Variants in TAOK2 observed in about 807,000 individuals in gnomAD.
TAOK2 encodes serine/threonine-protein kinase TAO2.
Under a neutral mutation model 122.5 loss-of-function variants are expected in TAOK2, and 42 were observed. That is an observed-to-expected ratio of 0.34 (90% CI 0.27 to 0.44). TAOK2 has a LOEUF of 0.44. Ranked by LOEUF, TAOK2 falls within the 20% of genes least tolerant of loss-of-function variation. TAOK2 has a pLI of 1.00. For synonymous variants in TAOK2, 704 were observed against 677.6 expected, an observed-to-expected ratio of 1.04 and a Z score of -0.61; for missense variants, 1,264 against 1,644.9, an observed-to-expected ratio of 0.77 and a Z score of 4.01.
At position 29,987,059 on chromosome 16, in the gene TAOK2, AC is replaced by A; in HGVS notation, c.2792del (p.Pro931LeufsTer5). The A allele has an allele frequency of 6.2e-7, 1 of 1,613,048 alleles. No individual in the cohort carries two copies. The highest frequency in any genetic ancestry group is 8.5e-7 in the Non-Finnish European group (1 of 1,179,438). On this transcript the variant is annotated frameshift_variant, in exon 16 of 16. Transcript: ENST00000308893. LOFTEE classifies it high-confidence loss of function. ...GTCCTTCCCCCGACATCCCTCCTGA[AC>A]CCCCTCCAACACACCTGAGGCCCTG... The part of the protein sequence containing the change: ...GCPSPDIPPE[P>X]PPTHLRPCPA...
Position 29,987,778 on chromosome 16 carries a change from C to T in TAOK2, c.3506C>T (p.Ala1169Val). 6.2e-7 allele frequency: 1 copy of T among 1,613,970 alleles called. No individual in the cohort carries two copies. Among genetic ancestry groups the T allele is most frequent in the Non-Finnish European group, 8.5e-7 (1 of 1,179,930 alleles). Residue 1169 changes from alanine to valine, a missense_variant, in exon 16 of 16, where the codon GCA becomes GTA. Ala to Val is a moderately conservative substitution (Grantham distance 64, BLOSUM62 0). Transcript: ENST00000308893. ...WRLARASQGL[A>V]SHLPPWAIHT... ...CTGGCACGGGCCAGCCAGGGTTTAG[C>T]ATCCCACTTGCCCCCGTGGGCCATC...
downstream of TAOK2, chr16:29,988,616 A>T: frequency 1.0e-6 from 1 of 985,284 alleles, no homozygotes; most frequent in African/African-American, 1.7e-5. Flanking sequence ...ACTTCACCGA[A>T]CTTCTTGGTC....
downstream of TAOK2, chr16:29,989,683 AC>A: frequency 6.2e-7 from 1 of 1,614,104 alleles, no homozygotes; most frequent in Non-Finnish European, 8.5e-7. Flanking sequence ...CTTGCTGGAG[AC>A]CACGCCCAAA....
chr16:29,982,024 G>A, intron 10 of TAOK2, 84 bp downstream of exon 10: 1 of 1,170,500 alleles, frequency 8.5e-7, no homozygotes. Context: ...GTGGTTCCCA[G>A]TTCCTCCTCC....
chr16:29,979,291 C>T lies in TAOK2; in HGVS notation c.546C>T (p.Phe182=), dbSNP rs764993691. 1.2e-5 allele frequency: 20 copies of T among 1,614,124 alleles called. No individual in the cohort carries two copies. Among genetic ancestry groups the T allele is most frequent in the African/African-American group, 5.3e-5 (4 of 75,030 alleles). Residue 182 remains phenylalanine (F), a synonymous_variant, in exon 7 of 16, where the codon TTC becomes TTT. Transcript: ENST00000308893. This position sits in a 1 kb window ranked among gnomAD's most constrained non-coding sequence, Gnocchi z 4.1. ...CCATCATGGCACCTGCCAACTCCTT[C>T]GTGGGCACCCCATACTGGTGAGTGA... ...SASIMAPANS[F]VGTPYWMAPE...
chr16:29,989,060 C>G (rs2069902491), downstream of TAOK2: 1 of 985,324 alleles, frequency 1.0e-6, no homozygotes, highest in African/African-American at 1.7e-5. Context: ...GCCTTCCTCC[C>G]TGAGCTGCTG....
In TAOK2 at chr16:29,979,022, G is replaced by C; in HGVS notation, c.401G>C (p.Gly134Ala). The C allele has an allele frequency of 6.2e-7, 1 of 1,614,136 alleles. No homozygotes were observed. Among genetic ancestry groups the C allele is most frequent in the Non-Finnish European group, 8.5e-7 (1 of 1,180,036 alleles). Residue 134 changes from glycine (G) to alanine (A), a missense_variant, in exon 6 of 16, where the codon GGG becomes GCG. By Grantham distance (60) the Gly-to-Ala change is moderately conservative. This residue lies in a region of TAOK2 where 254 missense variants were observed against 503.8 expected (regional missense o/e 0.50). Coordinates refer to ENST00000308893, the MANE Select transcript of TAOK2 (RefSeq NM_016151.4). This position sits in a 1 kb window ranked among gnomAD's most constrained non-coding sequence, Gnocchi z 4.1. ...GTAGAGATCGCAGCTGTGACCCACG[G>C]GGCGCTTCAGGGCCTGGCATATCTG... ...QEVEIAAVTH[G>A]ALQGLAYLHS... is the part of the protein sequence containing the mutation.
Position 29,988,131 on chromosome 16 carries a change from C to CA in TAOK2, c.*152dup. Reference sequence around the variant, plus strand: ...AGGCCCAGCCCTTCGGACCTCTAGACAGGCAGCCTCCTCAGCTGTGGAGTC... The same window carrying CA: ...AGGCCCAGCCCTTCGGACCTCTAGACAAGGCAGCCTCCTCAGCTGTGGAGTC... On this transcript the variant is annotated 3_prime_UTR_variant, in exon 16 of 16. Coordinates refer to ENST00000308893, the MANE Select transcript of TAOK2 (RefSeq NM_016151.4). 1 of 1,432,912 alleles carries CA rather than the reference C, an allele frequency of 7.0e-7. No individual in the cohort carries two copies. The highest frequency in any genetic ancestry group is 9.1e-7 in the Non-Finnish European group (1 of 1,098,462). 88.8% of individuals were successfully genotyped at this position (1,432,912 alleles called of 1,614,324 possible).
chr16:29,983,336 C>T lies in TAOK2; in HGVS notation c.1260+4C>T. The T allele has an allele frequency of 1.3e-6, 2 of 1,591,648 alleles. No individual in the cohort carries two copies. The highest frequency in any genetic ancestry group is 1.7e-6 in the Non-Finnish European group (2 of 1,173,870). On this transcript the variant is annotated splice_donor_region_variant and intron_variant, in intron 12 of 15. Coordinates refer to ENST00000308893, the MANE Select transcript of TAOK2 (RefSeq NM_016151.4). ...CTCCATTATCCACCGGCTGCCGGTACACAGCTCACCCTTGGGGGACCCGAG... is the reference window on the plus strand; with the variant it reads ...CTCCATTATCCACCGGCTGCCGGTATACAGCTCACCCTTGGGGGACCCGAG...
chr16:29,991,792 A>G (rs762777200), downstream of TAOK2: 81 of 459,316 alleles, frequency 1.8e-4, no homozygotes, highest in Middle Eastern at 5.5e-4. This position sits in a 1 kb window ranked among gnomAD's most constrained non-coding sequence, Gnocchi z 5.6. Context: ...CCTCCCTACC[A>G]TGGTGCCAGG....
intron 10 of TAOK2, 60 bp downstream of exon 10, chr16:29,982,000 C>T (rs1231401890): frequency 1.2e-5 from 17 of 1,441,122 alleles, no homozygotes; most frequent in Non-Finnish European, 1.5e-5. Context: ...CCACAAGAAC[C>T]CCCAGGGAAA....
Position 29,981,787 on chromosome 16 carries a change from C to G in TAOK2, c.749+33C>G, listed in dbSNP as rs11642046. 715,472 of 1,611,848 alleles carry G rather than the reference C, an allele frequency of 0.44. 160,443 individuals are homozygous for G. Among genetic ancestry groups the G allele is most frequent in the South Asian group, 0.5 (45,944 of 91,046 alleles). On this transcript the variant is annotated intron_variant, in intron 9 of 15. Coordinates refer to ENST00000308893, the MANE Select transcript of TAOK2 (RefSeq NM_016151.4). ...CTGAGATTCCGAATCTGGGCCCAGG[C>G]GTTAGGCCATGGGGTATGGATGCCT...
rs746856016 is a variant in TAOK2, at chr16:29,979,523, C to G, written c.655+15C>G. ...CATCGAGCTGGGTAAGAACATCCTC[C>G]CTGTTCCCTCATCATCTTTTCCATT... On this transcript the variant is annotated intron_variant, in intron 8 of 15. Coordinates refer to ENST00000308893, the MANE Select transcript of TAOK2 (RefSeq NM_016151.4). This position sits in a 1 kb window ranked among gnomAD's most constrained non-coding sequence, Gnocchi z 4.1. The G allele has an allele frequency of 3.3e-6, 5 of 1,501,158 alleles. No individual in the cohort carries two copies. The highest frequency in any genetic ancestry group is 4.5e-6 in the Non-Finnish European group (5 of 1,122,412). 93.0% of individuals were successfully genotyped at this position (1,501,158 alleles called of 1,614,324 possible). A position where few individuals can be genotyped will look rare whatever the true frequency, so the allele number is the denominator to read the frequency against.
Position 29,986,987 on chromosome 16 carries a change from G to A in TAOK2, c.2715G>A (p.Glu905=), listed in dbSNP as rs147831029. 5.0e-6 allele frequency: 8 copies of A among 1,613,484 alleles called. No homozygotes were observed. Among genetic ancestry groups the A allele is most frequent in the Non-Finnish European group, 6.8e-6 (8 of 1,179,634 alleles). ...LTPVPEEEEE[E]EEGAPIGTPR... The stretch of plus-strand genomic sequence containing the variant: ...CCGTCCCTGAGGAGGAGGAAGAAGA[G>A]GAAGAGGGGGCTCCGATTGGGACCC... The change falls in exon 16 of 16, where the codon GAG becomes GAA. Residue 905 remains glutamate, a synonymous_variant. Coordinates refer to ENST00000308893, the MANE Select transcript of TAOK2 (RefSeq NM_016151.4). The surrounding 1 kb of genome is among the most constrained non-coding windows in gnomAD (Gnocchi z 4.2).
intron 11 of TAOK2, 22 bp downstream of exon 11, chr16:29,982,923 C>G (rs766976519): frequency 6.2e-7 from 1 of 1,612,582 alleles, no homozygotes; most frequent in South Asian, 1.1e-5. Flanking sequence ...TGCCCTAACA[C>G]CCCTCTTTAT....
At chr16:29,991,552 C>T (rs1175220609), downstream of TAOK2, 1 of 1,480,022 alleles carries the variant, frequency 6.8e-7, no homozygotes, top group Non-Finnish European at 9.0e-7. The surrounding 1 kb of genome is among the most constrained non-coding windows in gnomAD (Gnocchi z 5.6). Context: ...AATGGTTCTT[C>T]CCACTTCTAT....
downstream of TAOK2, chr16:29,990,886 C>A (rs760079819): frequency 6.2e-7 from 1 of 1,613,532 alleles, no homozygotes; most frequent in Non-Finnish European, 8.5e-7. Context: ...GATCAAGATC[C>A]GCACAGAGAG....
In TAOK2 at chr16:29,986,013, A is replaced by C; in HGVS notation, c.1992+152A>C. The C allele has an allele frequency of 8.9e-7, 1 of 1,127,842 alleles. No individual in the cohort carries two copies. Among genetic ancestry groups the C allele is most frequent in the Non-Finnish European group, 1.2e-6 (1 of 801,374 alleles). The allele number at this position is 1,127,842 out of a possible 1,614,324, so 69.9% of individuals were successfully genotyped here. On this transcript the variant is annotated intron_variant, in intron 15 of 15. Coordinates refer to ENST00000308893, the MANE Select transcript of TAOK2 (RefSeq NM_016151.4). This position sits in a 1 kb window ranked among gnomAD's most constrained non-coding sequence, Gnocchi z 4.2. ...AGTGCCCCTTTTACTTCTCATCCCCAACAGACCCTGCCAGAATTTCCTTAG... is the reference window on the plus strand; with the variant it reads ...AGTGCCCCTTTTACTTCTCATCCCCCACAGACCCTGCCAGAATTTCCTTAG...
chr16:29,982,021 C>A, intron 10 of TAOK2, 81 bp downstream of exon 10: 1 of 1,179,770 alleles, frequency 8.5e-7, no homozygotes, highest in Non-Finnish European at 1.2e-6. Context: ...TTAGTGGTTC[C>A]CAGTTCCTCC....
Sources: gnomAD v4.1 joint callset for allele counts on GRCh38, gnomAD v4.1.1 for gene constraint, gnomAD v4.1.1 regional missense constraint, Gnocchi (gnomAD v3.1) non-coding constraint, MANE v1.5 for transcripts, NCBI Gene and HGNC (gene_info 2026-07-23, HGNC 2026-07-21) for gene names.